The following OSBPL10 variants were observed in gnomAD, a reference collection of about 807,000 sequenced individuals.
The protein encoded by OSBPL10 is oxysterol binding protein like 10.
A neutral mutation model predicts 81.7 loss-of-function variants in OSBPL10; 49 were observed. That is an observed-to-expected ratio of 0.60 (90% confidence interval 0.48 to 0.76). The LOEUF (loss-of-function observed/expected upper bound fraction) is 0.76, where lower values mean the gene tolerates loss of function less well. OSBPL10 is among the 30% of genes least tolerant of loss of function. OSBPL10 has a pLI of 0.00. For synonymous variants in OSBPL10, 419 were observed against 383.6 expected (o/e 1.09, Z -1.08); for missense variants, 923 against 987.8 (o/e 0.93, Z 0.88).
chr3:31,802,846 A>AAC (rs1699419185), intron 4 of OSBPL10, among the ~76,000 whole-genome samples: 1 of 152,062 alleles, frequency 6.6e-6, no homozygotes, highest in African/African-American at 2.4e-5. Context: ...GCCAGGGTTG[A>AAC]CCCAGGATGG....
intron 3 of OSBPL10, among the ~76,000 whole-genome samples, chr3:31,855,321 G>C (rs1245267826): frequency 6.6e-6 from 1 of 152,156 alleles, no homozygotes; most frequent in South Asian, 2.1e-4. Flanking sequence ...TGCTCGGTGA[G>C]TTGTCATGTA....
intron 5 of OSBPL10, among the ~76,000 whole-genome samples, chr3:31,735,741 A>G (rs952353403): frequency 6.6e-6 from 1 of 151,998 alleles, no homozygotes; most frequent in Non-Finnish European, 1.5e-5. Context: ...TCACTTGCTC[A>G]GAGAGACCTT....
chr3:31,837,669 TG>T (rs1700395139), intron 3 of OSBPL10, among the ~76,000 whole-genome samples: 1 of 144,998 alleles, frequency 6.9e-6, no homozygotes, highest in South Asian at 2.2e-4. Context: ...AAAAAATCAA[TG>T]GGTCTCACAA....
intron 3 of OSBPL10, among the ~76,000 whole-genome samples, chr3:31,859,131 C>T (rs1249319317): frequency 6.6e-6 from 1 of 152,164 alleles, no homozygotes; most frequent in African/African-American, 2.4e-5. Context: ...AGGTAGTAGC[C>T]TGTGAGTGGC....
chr3:31,875,082 T>TAAAAAAAAAAAAAAAAAAAAAAAAAAAA (rs555527834), intron 3 of OSBPL10, among the ~76,000 whole-genome samples: 1 of 103,078 alleles, frequency 9.7e-6, no homozygotes. Flanking sequence ...ATATATTAAG[T>TAAAAAAAAAAAAAAAAAAAAAAAAAAAA]AAAAAAAAAA....
Position 31,812,859 on chromosome 3 carries a change from A to G in OSBPL10, c.729+17181T>C, listed in dbSNP as rs577456151. ...AAGAAAGAAAGAACGAACTTCTCCAATAACATGTGAGAAGGACAATTATTT... is the reference window on the plus strand; with the variant it reads ...AAGAAAGAAAGAACGAACTTCTCCAGTAACATGTGAGAAGGACAATTATTT... On this transcript the variant is annotated intron_variant, in intron 4 of 11. Transcript: ENST00000396556. Among the ~76,000 whole-genome samples, 4 of 151,968 alleles carry G rather than the reference A, an allele frequency of 2.6e-5. No individual in the cohort carries two copies. The South Asian group carries it at 8.3e-4, about 32-fold the overall frequency.
At chr3:31,867,462 C>A (rs60391315) in intron 3 of OSBPL10, among the ~76,000 whole-genome samples, 2 of 152,074 alleles carry the variant, frequency 1.3e-5, no homozygotes, top group African/African-American at 4.8e-5. Flanking sequence ...AGGACACAGG[C>A]GGGACACGGT....
chr3:31,921,710 C>G (rs572711969), intron 1 of OSBPL10, among the ~76,000 whole-genome samples: 1 of 152,198 alleles, frequency 6.6e-6, no homozygotes, highest in African/African-American at 2.4e-5. Context: ...AGGAGTTTAA[C>G]TCCCTACTCT....
chr3:31,720,197 C>T (rs1259236172), intron 6 of OSBPL10, among the ~76,000 whole-genome samples: 1 of 135,818 alleles, frequency 7.4e-6, no homozygotes, highest in Admixed American at 8.4e-5. Flanking sequence ...CAGGTTTCTA[C>T]TGTATTTTTT....
chr3:31,883,571 T>C (rs1427507517), intron 1 of OSBPL10, among the ~76,000 whole-genome samples: 1 of 147,734 alleles, frequency 6.8e-6, no homozygotes, highest in Non-Finnish European at 1.5e-5. Flanking sequence ...AGTCTTGCTC[T>C]GTTAGGCAGG....
intron 3 of OSBPL10, among the ~76,000 whole-genome samples, chr3:31,868,290 A>G (rs1701231902): frequency 1.3e-5 from 2 of 152,216 alleles, no homozygotes; most frequent in South Asian, 4.2e-4. Flanking sequence ...TCCATTATAG[A>G]AAAAAAGGCC....
At chr3:31,855,236 G>A (rs1700880506) in intron 3 of OSBPL10, among the ~76,000 whole-genome samples, 1 of 152,058 alleles carries the variant, frequency 6.6e-6, no homozygotes, top group Non-Finnish European at 1.5e-5. Flanking sequence ...TGCCTGAGCT[G>A]GTCTCAAACT....
At chr3:31,744,413 C>G (rs1344616366) in intron 5 of OSBPL10, among the ~76,000 whole-genome samples, 1 of 151,896 alleles carries the variant, frequency 6.6e-6, no homozygotes, top group African/African-American at 2.4e-5. Flanking sequence ...TGGTGGGCAC[C>G]TGTAATCCCA....
At chr3:31,941,110 C>G (rs1697525427) in intron 1 of OSBPL10, among the ~76,000 whole-genome samples, 1 of 152,128 alleles carries the variant, frequency 6.6e-6, no homozygotes, top group African/African-American at 2.4e-5. Context: ...ATTGCTTTCT[C>G]CTCAAGCTAA....
chr3:32,053,836 TA>T (rs1219026809), intron 1 of OSBPL10, among the ~76,000 whole-genome samples: 5 of 152,026 alleles, frequency 3.3e-5, no homozygotes, highest in African/African-American at 1.2e-4. Context: ...TAGCTGGGTG[TA>T]GTGGCATGTG....
intron 4 of OSBPL10, among the ~76,000 whole-genome samples, chr3:31,778,768 G>A (rs1273921505): frequency 6.6e-6 from 1 of 152,132 alleles, no homozygotes; most frequent in African/African-American, 2.4e-5. Context: ...CAGTCATCAG[G>A]TTATCTAGAG....
intron 4 of OSBPL10, among the ~76,000 whole-genome samples, chr3:31,767,107 G>C (rs1435321535): frequency 3.9e-5 from 6 of 152,216 alleles, no homozygotes; most frequent in African/African-American, 1.4e-4. Flanking sequence ...TATCAGGTCT[G>C]GAGGGCTATA....
At chr3:31,798,853 T>G (rs1040405391) in intron 4 of OSBPL10, among the ~76,000 whole-genome samples, 3 of 152,122 alleles carry the variant, frequency 2.0e-5, no homozygotes, top group Non-Finnish European at 4.4e-5. Flanking sequence ...CAATCCCCAA[T>G]CTTTTTGGCA....
At chr3:31,878,830 TGTGTGTGTGTG>T (rs1701549787) in intron 2 of OSBPL10, among the ~76,000 whole-genome samples, 1 of 151,906 alleles carries the variant, frequency 6.6e-6, no homozygotes, top group Non-Finnish European at 1.5e-5. Context: ...TGTGTGTGTG[TGTGTGTGTGTG>T]TGTGTGTGCA....
Sources: allele counts gnomAD v4.1 joint callset (sites outside exome capture counted in the v4.1 genomes callset), GRCh38; gene constraint gnomAD v4.1.1; transcripts MANE v1.5; gene names NCBI Gene and HGNC (gene_info 2026-07-23, HGNC 2026-07-21).